OGG1: variants seen among roughly 807,000 people sequenced by gnomAD.
OGG1 encodes the protein N-glycosylase/DNA lyase.
OGG1 carries 35 observed loss-of-function variants against 42.3 expected under a neutral mutation model. The ratio of observed to expected loss-of-function variants is 0.83; its 90% CI spans 0.63 to 1.10. The LOEUF is 1.10. Among genes scored for constraint, OGG1 ranks in the 50% least tolerant of loss-of-function variants. The pLI is 0.00. For synonymous variants in OGG1, 189 were observed against 179.0 expected (o/e 1.06, Z -0.44); for missense variants, 484 against 446.7 (o/e 1.08, Z -0.75).
downstream of OGG1, among the ~76,000 whole-genome samples, chr3:9,790,719 T>C (rs1422518061): frequency 3.9e-5 from 6 of 152,214 alleles, no homozygotes; most frequent in East Asian, 9.6e-4. Flanking sequence ...AATTCTCTTT[T>C]AATCCTCACA....
chr3:9,752,196 A>C, intron 3 of OGG1: 1 of 561,080 alleles, frequency 1.8e-6, no homozygotes, highest in African/African-American at 1.9e-5. Context: ...TCTGTATACA[A>C]TGTACAGTAG....
chr3:9,754,744 C>T lies in OGG1; in HGVS notation c.606C>T (p.Gly202=). The change falls in exon 4 of 7, where the codon GGC becomes GGT. Residue 202 remains glycine, a synonymous_variant. Transcript: ENST00000344629. ...CTCATCTCAGGAAGCTGGGCCTGGG[C>T]TATCGTGCCCGTTACGTGAGTGCCA... ...VEAHLRKLGL[G]YRARYVSASA... 8.1e-6 allele frequency: 13 copies of T among 1,614,192 alleles called. No homozygotes were observed. Among genetic ancestry groups the T allele is most frequent in the Non-Finnish European group, 1.1e-5 (13 of 1,180,026 alleles).
chr3:9,770,124 C>A, downstream of OGG1: 1 of 152,466 alleles, frequency 6.6e-6, no homozygotes. Context: ...CTGCTGGACG[C>A]TTCCCGCCCT....
At chr3:9,759,561 G>A (rs1267718385), downstream of OGG1, 2 of 1,614,050 alleles carry the variant, frequency 1.2e-6, no homozygotes, top group East Asian at 2.2e-5. Flanking sequence ...ATCTAGAGCT[G>A]TATCTCCTGC....
At chr3:9,758,744 C>T (rs2077705790), downstream of OGG1, 1 of 201,574 alleles carries the variant, frequency 5.0e-6, no homozygotes, top group African/African-American at 2.4e-5. Context: ...ATTCTCCTGC[C>T]TCAGCTTCCC....
In OGG1 at chr3:9,756,795, T is replaced by G; in HGVS notation, c.927T>G (p.Pro309=). ...LGNFFRSLWG[P]YAGWAQAVLF... is the part of the protein sequence containing the mutation. The stretch of plus-strand genomic sequence containing the variant: ...ACTTTTTCCGGAGCCTGTGGGGACC[T>G]TATGCTGGCTGGGCCCAAGCGGTGA... The change falls in exon 6 of 7, where the codon CCT becomes CCG. Residue 309 remains proline, a synonymous_variant. Transcript: ENST00000344629. 1 of 1,614,076 alleles carries G rather than the reference T, an allele frequency of 6.2e-7. No individual in the cohort carries two copies. Among genetic ancestry groups the G allele is most frequent in the Non-Finnish European group, 8.5e-7 (1 of 1,179,994 alleles).
chr3:9,763,487 G>A (rs2077992460), intron 7 of OGG1, among the ~76,000 whole-genome samples: 1 of 151,902 alleles, frequency 6.6e-6, no homozygotes, highest in Admixed American at 6.6e-5. Flanking sequence ...ACATACCTGG[G>A]TAGGACAAAC....
chr3:9,785,850 T>A (rs1358977449), intron 3 of OGG1, among the ~76,000 whole-genome samples: 1 of 152,116 alleles, frequency 6.6e-6, no homozygotes, highest in Non-Finnish European at 1.5e-5. Flanking sequence ...TGTGACAAGT[T>A]CTCTCCAGGG....
intron 3 of OGG1, chr3:9,783,325 C>CT (rs1167667653): frequency 3.9e-4 from 57 of 145,372 alleles, no homozygotes; most frequent in Admixed American, 4.8e-4. Flanking sequence ...AATTTTTTTT[C>CT]TTTTTTTTTT....
intron 7 of OGG1, among the ~76,000 whole-genome samples, chr3:9,762,728 A>G (rs2077943806): frequency 6.6e-6 from 1 of 151,750 alleles, no homozygotes; most frequent in Admixed American, 6.6e-5. Context: ...CACACAATTC[A>G]CTCGTGTTCC....
chr3:9,759,572 A>G, downstream of OGG1: 1 of 1,614,128 alleles, frequency 6.2e-7, no homozygotes, highest in Non-Finnish European at 8.5e-7. Context: ...TATCTCCTGC[A>G]ATCCTAGGAT....
downstream of OGG1, among the ~76,000 whole-genome samples, chr3:9,767,014 A>C (rs1338914336): frequency 6.6e-6 from 1 of 151,960 alleles, no homozygotes. Context: ...CTGTGATTTT[A>C]AGCTCCATCA....
chr3:9,759,160 C>A, downstream of OGG1: 1 of 1,540,330 alleles, frequency 6.5e-7, no homozygotes, highest in Non-Finnish European at 9.0e-7. Context: ...TTCCGCTATG[C>A]CTCACTAATT....
downstream of OGG1, chr3:9,759,699 G>A: frequency 6.2e-7 from 1 of 1,614,198 alleles, no homozygotes; most frequent in Non-Finnish European, 8.5e-7. Flanking sequence ...CTGCTCACAG[G>A]TGAATCTTTT....
At chr3:9,764,611 GTTTTTGTTTTTTT>G (rs2078051979) in intron 7 of OGG1, among the ~76,000 whole-genome samples, 1 of 125,076 alleles carries the variant, frequency 8.0e-6, no homozygotes, top group Non-Finnish European at 1.6e-5. Context: ...TGCGCCTGGC[GTTTTTGTTTTTTT>G]TTTGTTTTTT....
rs763044440 is a variant in OGG1, at chr3:9,750,278, G to A, written c.-9G>A. On this transcript the variant is annotated 5_prime_UTR_variant, in exon 1 of 7. Coordinates refer to ENST00000344629, the MANE Select transcript of OGG1 (RefSeq NM_002542.6). ...GCGGGGCTACTACGGGGCGGTGCCT[G>A]CTGTGGAAATGCCTGCCCGCGCGCT... 6.0e-5 allele frequency: 96 copies of A among 1,608,480 alleles called. 1 individual carries two copies. The South Asian group carries it at 1.0e-3, about 17-fold the overall frequency.
chr3:9,755,838 A>G (rs2077523249), intron 4 of OGG1, among the ~76,000 whole-genome samples: 1 of 152,038 alleles, frequency 6.6e-6, no homozygotes, highest in Non-Finnish European at 1.5e-5. Context: ...GCTTTGGACT[A>G]CAGCCTAACA....
chr3:9,762,141 C>CT (rs1185321153), downstream of OGG1: 4 of 176,394 alleles, frequency 2.3e-5, 1 homozygote, highest in South Asian at 2.6e-4. Flanking sequence ...CAAAGTGACT[C>CT]ACCCAAGAAC....
chr3:9,761,827 C>T, downstream of OGG1: 1 of 1,576,102 alleles, frequency 6.3e-7, no homozygotes, highest in South Asian at 1.2e-5. Context: ...TTCTGCCGCT[C>T]CAAGCACCTT....
Sources: allele counts gnomAD v4.1 joint callset (sites outside exome capture counted in the v4.1 genomes callset), GRCh38; gene constraint gnomAD v4.1.1; transcripts MANE v1.5; gene names NCBI Gene and HGNC (gene_info 2026-07-23, HGNC 2026-07-21).